TRIM66: variants seen among roughly 807,000 people sequenced by gnomAD.
TRIM66 encodes the protein tripartite motif-containing protein 66.
A neutral mutation model predicts 148.2 loss-of-function variants in TRIM66; 99 were observed. That is an observed-to-expected ratio of 0.67 (90% confidence interval 0.57 to 0.79). The LOEUF (loss-of-function observed/expected upper bound fraction) is 0.79. Ranked by LOEUF, TRIM66 falls within the 30% of genes least tolerant of loss-of-function variation. TRIM66 has a pLI of 0.00. For missense variants in TRIM66, 1,666 were observed against 1,697.9 expected, an observed-to-expected ratio of 0.98 and a Z score of 0.33; for synonymous variants, 616 against 635.9, an observed-to-expected ratio of 0.97 and a Z score of 0.47.
At position 8,617,927 on chromosome 11, in the gene TRIM66, C is replaced by T. The variant is rs925236090; in HGVS notation, c.*17G>A. The T allele has an allele frequency of 1.3e-5, 20 of 1,551,396 alleles. No homozygotes were observed. In the African/African-American group the frequency reaches 2.7e-4, roughly 21 times the overall value. ...ATGGGACAACAGCTGCCAGAGTGCC[C>T]AGTCTCCTTTTGGCTCTCACACCTG... On this transcript the variant is annotated 3_prime_UTR_variant, in exon 25 of 25. Coordinates refer to ENST00000646038, the MANE Select transcript of TRIM66 (RefSeq NM_001388022.1).
At chr11:8,660,998 T>C (rs1229778131) in intron 6 of TRIM66, among the ~76,000 whole-genome samples, 2 of 152,234 alleles carry the variant, frequency 1.3e-5, no homozygotes, top group Non-Finnish European at 2.9e-5. Flanking sequence ...GCTAAGTGTC[T>C]GTTCTAAACT....
intron 15 of TRIM66, among the ~76,000 whole-genome samples, chr11:8,637,819 G>GT (rs2036019418): frequency 6.6e-6 from 1 of 152,078 alleles, no homozygotes; most frequent in Non-Finnish European, 1.5e-5. Context: ...AGACAATAGC[G>GT]TAAGTGAAAC....
At position 8,648,397 on chromosome 11, in the gene TRIM66, G is replaced by A. The variant is rs539086017; in HGVS notation, c.725+19C>T. 9.1e-5 allele frequency: 141 copies of A among 1,550,542 alleles called. 2 individuals carry two copies. The East Asian group carries it at 1.9e-3, about 21-fold the overall frequency. On this transcript the variant is annotated intron_variant, in intron 9 of 24. Coordinates refer to ENST00000646038, the MANE Select transcript of TRIM66 (RefSeq NM_001388022.1). ...CCAGAGCCCTCCCCAGCCCATTTCAGGCAGTCTGTCAGCCCCACCTGTGTT... is the reference window on the plus strand; with the variant it reads ...CCAGAGCCCTCCCCAGCCCATTTCAAGCAGTCTGTCAGCCCCACCTGTGTT...
upstream of TRIM66, chr11:8,682,977 C>T (rs2039515220): frequency 2.9e-6 from 3 of 1,032,834 alleles, no homozygotes; most frequent in East Asian, 2.5e-5. Flanking sequence ...GGGCGGGGCT[C>T]CCGGAGCCGT....
In TRIM66 at chr11:8,671,907, C is replaced by G. The variant is rs1176015678; in HGVS notation, c.219G>C (p.Gln73His). The change falls in exon 6 of 25, where the codon CAG becomes CAC. Residue 73 changes from glutamine to histidine, a missense_variant. Gln to His is a conservative substitution (Grantham distance 24). This residue lies in a region of TRIM66 where 1,431 missense variants were observed against 1,412.4 expected (regional missense o/e 1.01). Coordinates refer to ENST00000646038, the MANE Select transcript of TRIM66 (RefSeq NM_001388022.1). ...GATGAGAGCCCATACCTGGCAGGTC[C>G]TGATGGCACAATGAGCAGGTCATTA... ...AMVMTCSLCH[Q>H]DLPGMGSHLL... is the part of the protein sequence containing the mutation. 4 of 1,536,040 alleles carry G rather than the reference C, an allele frequency of 2.6e-6. No individual in the cohort carries two copies. Among genetic ancestry groups the G allele is most frequent in the Non-Finnish European group, 3.5e-6 (4 of 1,146,922 alleles).
intron 6 of TRIM66, among the ~76,000 whole-genome samples, chr11:8,655,220 GAA>G (rs1332469137): frequency 1.3e-5 from 2 of 152,162 alleles, no homozygotes; most frequent in Non-Finnish European, 2.9e-5. Flanking sequence ...TCACAGCACT[GAA>G]AGTAGTAAGA....
intron 15 of TRIM66, among the ~76,000 whole-genome samples, chr11:8,632,180 C>T (rs375046728): frequency 1.2e-4 from 19 of 152,184 alleles, no homozygotes; most frequent in Admixed American, 5.9e-4. Flanking sequence ...TGGTGGCATG[C>T]GCCTGCAGTC....
At chr11:8,625,783 G>A (rs1225499056) in intron 15 of TRIM66, among the ~76,000 whole-genome samples, 1 of 152,210 alleles carries the variant, frequency 6.6e-6, no homozygotes, top group Non-Finnish European at 1.5e-5. Context: ...TTCTTTGAGA[G>A]AATGCCAAGG....
rs1232962301 is a variant in TRIM66, at chr11:8,624,419, G to A, written c.2959C>T (p.Pro987Ser). The A allele has an allele frequency of 6.4e-7, 1 of 1,551,692 alleles. No homozygotes were observed. Residue 987 changes from proline (P) to serine (S), a missense_variant, in exon 17 of 25, where the codon CCT (proline) becomes TCT (serine). By Grantham distance (74) the Pro-to-Ser change is moderately conservative. Coordinates refer to ENST00000646038, the MANE Select transcript of TRIM66 (RefSeq NM_001388022.1). ...GTGCTGACCACTGGCGCCAGTGGAG[G>A]TTTCTTCACAGAGAGGTTAATTGGC... ...EEPINLSVKK[P>S]PLAPVVSTST...
rs957655502 is a variant in TRIM66, at chr11:8,649,899, G to T, written c.445-12C>A. 2 of 1,546,598 alleles carry T rather than the reference G, an allele frequency of 1.3e-6. No homozygotes were observed. The highest frequency in any genetic ancestry group is 3.9e-5 in the Admixed American group (2 of 50,906). ...CACTCAGAGCAGTTCTGGAAGCAGA[G>T]AGTTCTGGAGTTACTGATGTTATCC... On this transcript the variant is annotated splice_polypyrimidine_tract_variant and intron_variant, in intron 7 of 24. Coordinates refer to ENST00000646038, the MANE Select transcript of TRIM66 (RefSeq NM_001388022.1).
chr11:8,640,926 TG>T lies in TRIM66; in HGVS notation c.1448del (p.Pro483HisfsTer69). ...VSPSLKGQVP[P>X]PSIHPAHSFR... ...AGCTGTGGGCTGGGTGTATGCTGGG[TG>T]GGGGGACCTGGCCTTTGAGGGAAGG... On this transcript the variant is annotated frameshift_variant, in exon 14 of 25. Coordinates refer to ENST00000646038, the MANE Select transcript of TRIM66 (RefSeq NM_001388022.1). LOFTEE classifies it high-confidence loss of function. The T allele has an allele frequency of 1.9e-6, 3 of 1,550,024 alleles. No homozygotes were observed. Among genetic ancestry groups the T allele is most frequent in the Non-Finnish European group, 2.6e-6 (3 of 1,146,766 alleles).
chr11:8,642,972 A>G, intron 13 of TRIM66, 37 bp downstream of exon 13: 2 of 1,468,140 alleles, frequency 1.4e-6, no homozygotes, highest in Non-Finnish European at 1.8e-6. Context: ...CAAAGCCCAC[A>G]GGGTGGGTAG....
intron 8 of TRIM66, among the ~76,000 whole-genome samples, chr11:8,648,780 C>A (rs985935696): frequency 1.8e-4 from 27 of 152,228 alleles, no homozygotes; most frequent in Admixed American, 1.8e-3. Flanking sequence ...CCAAGCATCC[C>A]ACTACCTGCC....
chr11:8,624,170 T>C (rs762445476), intron 17 of TRIM66, among the ~76,000 whole-genome samples, 189 bp downstream of exon 17: 14 of 152,308 alleles, frequency 9.2e-5, no homozygotes, highest in African/African-American at 3.1e-4. Flanking sequence ...AGATCAGCCA[T>C]GGCCACAGTG....
At chr11:8,659,505 C>CA (rs1376711172) in intron 6 of TRIM66, among the ~76,000 whole-genome samples, 1 of 152,140 alleles carries the variant, frequency 6.6e-6, no homozygotes, top group African/African-American at 2.4e-5. Context: ...AGGTAGGTAA[C>CA]AGGAGGAAGA....
rs530998983 is a variant in TRIM66 at position 8,615,812 on chromosome 11, G to C, written c.*2132C>G. 3 of 152,162 alleles carry C rather than the reference G, an allele frequency of 2.0e-5. No homozygotes were observed. The highest frequency in any genetic ancestry group is 4.4e-5 in the Non-Finnish European group (3 of 68,034). The allele number at this position is 152,162 out of a possible 1,614,324, so 9.4% of individuals were successfully genotyped here. A position where few individuals can be genotyped will look rare whatever the true frequency, so the allele number is the denominator to read the frequency against. The stretch of plus-strand genomic sequence containing the variant: ...ATAAGGAAAGCCAAGCTTTTAACAG[G>C]TATTTCTGCTTTAAATTTGTGGTCT... On this transcript the variant is annotated 3_prime_UTR_variant, in exon 25 of 25. Coordinates refer to ENST00000646038, the MANE Select transcript of TRIM66 (RefSeq NM_001388022.1).
chr11:8,620,053 G>A lies in TRIM66; in HGVS notation c.3744C>T (p.Pro1248=), dbSNP rs369756388. The change falls in exon 22 of 25, where the codon CCC becomes CCT. Residue 1248 remains proline, a synonymous_variant. Transcript: ENST00000646038. ...AGAACAGCGTGGCCTTCCTTACCAG[G>A]GGGCTGACAGGTTCATGGAAGGGCA... ...LSLPFHEPVS[P]LARHYYQIIK... is the part of the protein sequence containing the mutation. The A allele has an allele frequency of 1.3e-6, 2 of 1,551,664 alleles. No individual in the cohort carries two copies. The highest frequency in any genetic ancestry group is 4.9e-5 in the East Asian group (2 of 40,920).
rs763838001 is a variant in TRIM66, at chr11:8,621,234, G to T, written c.3343C>A (p.Pro1115Thr). 2 of 1,551,566 alleles carry T rather than the reference G, an allele frequency of 1.3e-6. No homozygotes were observed. Among genetic ancestry groups the T allele is most frequent in the Non-Finnish European group, 1.7e-6 (2 of 1,147,002 alleles). The change falls in exon 20 of 25, where the codon CCA becomes ACA. Residue 1115 changes from proline to threonine, a missense_variant. Pro to Thr is a conservative substitution (Grantham distance 38, BLOSUM62 -1). This residue lies in a region of TRIM66 where 1,431 missense variants were observed against 1,412.4 expected (regional missense o/e 1.01). Transcript: ENST00000646038. ...VTVTSLAGQRPPEVEGTSPEE... is the reference protein window; with the variant it reads ...VTVTSLAGQRTPEVEGTSPEE... ...GGAGATGTGCCCTCCACTTCTGGTG[G>T]CCGCTGCCCAGCCAAAGAAGTGACA...
rs768851223 is a variant in TRIM66, at chr11:8,671,773, C to T, written c.340+13G>A. 7.8e-6 allele frequency: 9 copies of T among 1,154,098 alleles called. No homozygotes were observed. The highest frequency in any genetic ancestry group is 5.9e-5 in the Admixed American group (3 of 50,494). 71.5% of individuals were successfully genotyped at this position (1,154,098 alleles called of 1,614,324 possible). A position where few individuals can be genotyped will look rare whatever the true frequency, so the allele number is the denominator to read the frequency against. On this transcript the variant is annotated intron_variant, in intron 6 of 24. Transcript: ENST00000646038. ...TGTAGTGGGAGGTGAACTTGTGGTG[C>T]CTTTGTACTTACCATCTGCAACAGT... is the stretch of plus-strand genomic sequence containing the variant.
Sources: gnomAD v4.1 joint callset for allele counts (sites outside exome capture counted in the v4.1 genomes callset) on GRCh38, gnomAD v4.1.1 for gene constraint, gnomAD v4.1.1 regional missense constraint, MANE v1.5 for transcripts, NCBI Gene and HGNC (gene_info 2026-07-23, HGNC 2026-07-21) for gene names.